The following ALDH3A2 variants were observed in gnomAD, a reference collection of about 807,000 sequenced individuals.
ALDH3A2 encodes aldehyde dehydrogenase 3 family member A2, also known as aldehyde dehydrogenase family 3 member A2.
Under a neutral mutation model 51.3 loss-of-function variants are expected in ALDH3A2, and 36 were observed. The observed-to-expected ratio is 0.70, with a 90% confidence interval of 0.54 to 0.93. ALDH3A2 has a LOEUF of 0.93. Ranked by LOEUF, ALDH3A2 falls within the 40% of genes least tolerant of loss-of-function variation. The probability of loss-of-function intolerance (pLI) is 0.00; values close to 1 mark genes in which losing one functional copy is unlikely to be tolerated. For missense variants in ALDH3A2, 552 were observed against 603.1 expected (o/e 0.92, Z 0.89); for synonymous variants, 199 against 219.8 (o/e 0.91, Z 0.84).
At chr17:19,650,603 G>A (rs939726418) in intron 1 of ALDH3A2, among the ~76,000 whole-genome samples, 1 of 151,948 alleles carries the variant, frequency 6.6e-6, no homozygotes, top group African/African-American at 2.4e-5. Context: ...ACAGGCGCCC[G>A]CCACCGTGCC....
At chr17:19,649,358 C>T in intron 1 of ALDH3A2, 1 of 550,894 alleles carries the variant, frequency 1.8e-6, no homozygotes, top group East Asian at 3.0e-5. Context: ...CTTTTCTATT[C>T]TTGTCCATTT....
chr17:19,669,686 G>A (rs1326580551), intron 8 of ALDH3A2, among the ~76,000 whole-genome samples: 1 of 152,050 alleles, frequency 6.6e-6, no homozygotes, highest in Non-Finnish European at 1.5e-5. Context: ...CCAAGCCAGA[G>A]TACAGTGGTG....
At chr17:19,671,582 A>T in intron 8 of ALDH3A2, 139 bp from the exon 9 acceptor site, 3 of 770,822 alleles carry the variant, frequency 3.9e-6, no homozygotes, top group Non-Finnish European at 6.8e-6. Context: ...TCCTGAAAAG[A>T]GATACTTCAG....
upstream of ALDH3A2, chr17:19,648,286 C>A (rs963818448): frequency 1.3e-5 from 2 of 152,444 alleles, no homozygotes; most frequent in Non-Finnish European, 2.9e-5. Context: ...GTCGAGGCAG[C>A]TCCTCGCTGA....
Position 19,648,938 on chromosome 17 carries a change from C to A in ALDH3A2, c.-34C>A. Reference sequence around the variant, plus strand: ...CTTCCCGCCTCCCACTCCCCAGCGCCCCCGGACCGTGCAGTTCTCTGCAGG... The same window carrying A: ...CTTCCCGCCTCCCACTCCCCAGCGCACCCGGACCGTGCAGTTCTCTGCAGG... On this transcript the variant is annotated 5_prime_UTR_variant, in exon 1 of 10. Coordinates refer to ENST00000176643, the MANE Select transcript of ALDH3A2 (RefSeq NM_000382.3). The A allele has an allele frequency of 6.4e-7, 1 of 1,561,268 alleles. No individual in the cohort carries two copies. Among genetic ancestry groups the A allele is most frequent in the South Asian group, 1.2e-5 (1 of 85,280 alleles).
rs2084917199 is a variant in ALDH3A2, at chr17:19,657,816, C to G, written c.752C>G (p.Ala251Gly). Residue 251 changes from alanine to glycine, a missense_variant, in exon 5 of 10, where the codon GCA (alanine) becomes GGA (glycine). By Grantham distance (60) the Ala-to-Gly change is moderately conservative. Transcript: ENST00000176643. The part of the protein sequence containing the change: ...CIAPDYILCE[A>G]SLQNQIVWKI... ...GCACCCGACTATATTCTCTGTGAAG[C>G]ATCCCTCCAAAATCAAATTGTATGG... 1.2e-5 allele frequency: 19 copies of G among 1,613,874 alleles called. No individual in the cohort carries two copies. Among genetic ancestry groups the G allele is most frequent in the Non-Finnish European group, 1.6e-5 (19 of 1,179,782 alleles).
At chr17:19,672,096 C>T (rs924636693) in intron 9 of ALDH3A2, 140 bp downstream of exon 9, 10 of 816,348 alleles carry the variant, frequency 1.2e-5, no homozygotes, top group African/African-American at 1.0e-4. Flanking sequence ...GCCAGCTACC[C>T]GTTTTTGTCA....
chr17:19,648,882 A>G lies in ALDH3A2; in HGVS notation c.-90A>G. 1 of 1,474,292 alleles carries G rather than the reference A, an allele frequency of 6.8e-7. No individual in the cohort carries two copies. Among genetic ancestry groups the G allele is most frequent in the South Asian group, 1.2e-5 (1 of 82,368 alleles). The allele number at this position is 1,474,292 out of a possible 1,614,324, so 91.3% of individuals were successfully genotyped here. On this transcript the variant is annotated 5_prime_UTR_variant, in exon 1 of 10. Transcript: ENST00000176643. Reference sequence around the variant, plus strand: ...GGAGACACCCCCCGGAGGGAGGCGGAGGGAAGGGAGGCGAGGCCTGCACCT... The same window carrying G: ...GGAGACACCCCCCGGAGGGAGGCGGGGGGAAGGGAGGCGAGGCCTGCACCT...
intron 7 of ALDH3A2, 72 bp from the exon 8 acceptor site, chr17:19,664,876 C>G: frequency 9.6e-7 from 1 of 1,037,580 alleles, no homozygotes; most frequent in Non-Finnish European, 1.5e-6. Context: ...ACACAGCCCT[C>G]TGTGTGGTGG....
At chr17:19,671,002 C>G (rs1280606981) in intron 8 of ALDH3A2, among the ~76,000 whole-genome samples, 1 of 152,210 alleles carries the variant, frequency 6.6e-6, no homozygotes, top group Non-Finnish European at 1.5e-5. Context: ...CCTCTGGTCA[C>G]CTGTGTCTTA....
chr17:19,651,495 C>A, intron 1 of ALDH3A2, 52 bp from the exon 2 acceptor site: 1 of 1,450,836 alleles, frequency 6.9e-7, no homozygotes, highest in Non-Finnish European at 9.7e-7. Flanking sequence ...ACATTCAGGG[C>A]CAAGTGTATC....
Position 19,648,814 on chromosome 17 carries a change from G to T in ALDH3A2, c.-158G>T, listed in dbSNP as rs536113426. 265 of 1,037,880 alleles carry T rather than the reference G, an allele frequency of 2.6e-4. 5 individuals carry two copies. In the South Asian group the frequency reaches 2.8e-3, roughly 11 times the overall value. 64.3% of individuals were successfully genotyped at this position (1,037,880 alleles called of 1,614,324 possible). A position where few individuals can be genotyped will look rare whatever the true frequency, so the allele number is the denominator to read the frequency against. ...GCGGGCGTGGAGGTCGCGGCTGAGC[G>T]AGCGAGCCCTGGGCGAGTGAATTGT... On this transcript the variant is annotated 5_prime_UTR_variant, in exon 1 of 10. Coordinates refer to ENST00000176643, the MANE Select transcript of ALDH3A2 (RefSeq NM_000382.3).
chr17:19,662,731 C>T (rs905007352), intron 6 of ALDH3A2, among the ~76,000 whole-genome samples: 1 of 152,114 alleles, frequency 6.6e-6, no homozygotes, highest in Non-Finnish European at 1.5e-5. Context: ...TGAAAGCACT[C>T]GAGTTAAGAA....
intron 5 of ALDH3A2, among the ~76,000 whole-genome samples, chr17:19,660,176 AAC>A (rs899309801): frequency 5.9e-5 from 9 of 152,188 alleles, no homozygotes; most frequent in African/African-American, 9.6e-5. Context: ...TTATACTCTT[AAC>A]ACAGTGGTTC....
At position 19,676,216 on chromosome 17, in the gene ALDH3A2, A is replaced by T. The variant is rs751915009; in HGVS notation, c.*644A>T. 1 of 152,738 alleles carries T rather than the reference A, an allele frequency of 6.5e-6. No homozygotes were observed. Among genetic ancestry groups the T allele is most frequent in the Non-Finnish European group, 1.5e-5 (1 of 68,486 alleles). 9.5% of individuals were successfully genotyped at this position (152,738 alleles called of 1,614,324 possible). A position where few individuals can be genotyped will look rare whatever the true frequency, so the allele number is the denominator to read the frequency against. Reference sequence around the variant, plus strand: ...TCCTGTGTTCTGTTTAGTTGCAACAATCTCTTGTGACTAATGTCACTCAAA... The same window carrying T: ...TCCTGTGTTCTGTTTAGTTGCAACATTCTCTTGTGACTAATGTCACTCAAA... On this transcript the variant is annotated 3_prime_UTR_variant, in exon 10 of 10. Coordinates refer to ENST00000176643, the MANE Select transcript of ALDH3A2 (RefSeq NM_000382.3).
At position 19,671,968 on chromosome 17, in the gene ALDH3A2, T is replaced by G. The variant is rs776760010; in HGVS notation, c.1443+12T>G. 12 of 1,610,140 alleles carry G rather than the reference T, an allele frequency of 7.5e-6. No individual in the cohort carries two copies. The highest frequency in any genetic ancestry group is 1.0e-5 in the Non-Finnish European group (12 of 1,176,394). On this transcript the variant is annotated intron_variant, in intron 9 of 9. Transcript: ENST00000176643. ...CTGTGCTTGTCAAGGTGAGTCCCTA[T>G]AACCCATGAGTGCCATTCAGTCTGG...
At chr17:19,666,778 A>AAAATAAATAAAT (rs150864433) in intron 8 of ALDH3A2, among the ~76,000 whole-genome samples, 13 of 143,908 alleles carry the variant, frequency 9.0e-5, no homozygotes, top group African/African-American at 3.1e-4. Context: ...CTCCGATCTC[A>AAAATAAATAAAT]AAATAAATAA....
intron 9 of ALDH3A2, chr17:19,673,295 T>C: frequency 6.2e-7 from 1 of 1,613,210 alleles, no homozygotes; most frequent in Non-Finnish European, 8.5e-7. Flanking sequence ...TTTTGTTTTC[T>C]TTCTATATGT....
Position 19,649,122 on chromosome 17 carries a change from A to G in ALDH3A2, c.151A>G (p.Lys51Glu). The G allele has an allele frequency of 1.3e-6, 2 of 1,570,266 alleles. No homozygotes were observed. The highest frequency in any genetic ancestry group is 1.7e-6 in the Non-Finnish European group (2 of 1,157,550). ...ILTAIAADLC[K>E]SEFNVYSQEV... ...GACGGCCATCGCCGCCGACCTGTGC[A>G]AGGTACGCACGCGTGCGGCGGGGTG... The change falls in exon 1 of 10, where the codon AAG becomes GAG. Residue 51 changes from lysine to glutamate, a missense_variant and splice_region_variant. Coordinates refer to ENST00000176643, the MANE Select transcript of ALDH3A2 (RefSeq NM_000382.3).
Sources: allele counts gnomAD v4.1 joint callset (sites outside exome capture counted in the v4.1 genomes callset), GRCh38; gene constraint gnomAD v4.1.1; transcripts MANE v1.5; gene names NCBI Gene and HGNC (gene_info 2026-07-23, HGNC 2026-07-21).